Variants in CFAP54 observed in about 807,000 individuals in gnomAD.
CFAP54 encodes cilia- and flagella-associated protein 54.
A neutral mutation model predicts 370.4 loss-of-function variants in CFAP54; 290 were observed. The observed-to-expected ratio is 0.78, with a 90% confidence interval of 0.71 to 0.86. The LOEUF (loss-of-function observed/expected upper bound fraction) is 0.86, where lower values mean the gene tolerates loss of function less well. CFAP54 is among the 40% of genes least tolerant of loss of function. The pLI is 0.00. For missense variants in CFAP54, 3,399 were observed against 3,528.7 expected (o/e 0.96, Z 0.93); for synonymous variants, 1,206 against 1,236.5 (o/e 0.98, Z 0.52).
intron 58 of CFAP54, among the ~76,000 whole-genome samples, chr12:96,762,517 T>C (rs987596742): frequency 1.2e-4 from 19 of 152,218 alleles, no homozygotes; most frequent in African/African-American, 4.6e-4. Context: ...CCACTCCAAA[T>C]TTTTCTATGG....
intron 19 of CFAP54, among the ~76,000 whole-genome samples, chr12:96,574,292 T>C (rs1955954390): frequency 6.6e-6 from 1 of 152,102 alleles, no homozygotes; most frequent in Admixed American, 6.6e-5. Context: ...ACAGGTTTTT[T>C]TCTGTCAGAA....
At chr12:96,803,513 A>G (rs886538230) in intron 63 of CFAP54, among the ~76,000 whole-genome samples, 2 of 152,068 alleles carry the variant, frequency 1.3e-5, no homozygotes, top group Non-Finnish European at 2.9e-5. Flanking sequence ...CACTGCTGCC[A>G]CCAGTGGGGT....
intron 66 of CFAP54, among the ~76,000 whole-genome samples, chr12:96,857,135 C>CA (rs1959726416): frequency 1.3e-5 from 2 of 152,174 alleles, no homozygotes; most frequent in Non-Finnish European, 2.9e-5. Flanking sequence ...ATGGAGGTAG[C>CA]TGTCCCCATG....
chr12:96,805,432 T>C (rs1401595136), intron 63 of CFAP54, among the ~76,000 whole-genome samples: 1 of 151,878 alleles, frequency 6.6e-6, no homozygotes, highest in Non-Finnish European at 1.5e-5. Context: ...CATGAACATA[T>C]ATTTTTCAAG....
At chr12:96,621,875 G>GTTTGTTTTTTTTTTTTTTTTTTT (rs1956496257) in intron 27 of CFAP54, among the ~76,000 whole-genome samples, 154 bp downstream of exon 27, 10 of 50,032 alleles carry the variant, frequency 2.0e-4, no homozygotes, top group East Asian at 1.7e-3. Context: ...TTTTGGGTTT[G>GTTTGTTTTTTTTTTTTTTTTTTT]TTTTTTTTTT....
At chr12:96,681,122 C>A (rs1032677386) in intron 40 of CFAP54, among the ~76,000 whole-genome samples, 3 of 84,734 alleles carry the variant, frequency 3.5e-5, no homozygotes, top group African/African-American at 4.4e-5. Flanking sequence ...CACCCCCCCA[C>A]ACACACACAC....
chr12:96,762,681 G>A (rs144957202), intron 58 of CFAP54, among the ~76,000 whole-genome samples: 124 of 152,256 alleles, frequency 8.1e-4, no homozygotes, highest in African/African-American at 2.7e-3. Context: ...CTTGTTACCA[G>A]AATTTAAGTA....
At chr12:96,589,380 T>A (rs1369104240) in intron 22 of CFAP54, 47 bp from the exon 23 acceptor site, 23 of 1,393,056 alleles carry the variant, frequency 1.7e-5, no homozygotes, top group Non-Finnish European at 1.9e-5. Context: ...TTTAAAACAT[T>A]CATTCACGAA....
intron 17 of CFAP54, among the ~76,000 whole-genome samples, chr12:96,557,236 CTT>C (rs930416144): frequency 2.0e-5 from 3 of 152,120 alleles, no homozygotes. Flanking sequence ...CATGCCATCT[CTT>C]TGTCTAGTGG....
chr12:96,538,424 T>C lies in CFAP54; in HGVS notation c.1832T>C (p.Met611Thr), dbSNP rs1039907595. 8.5e-6 allele frequency: 13 copies of C among 1,535,788 alleles called. No individual in the cohort carries two copies. The East Asian group carries it at 2.9e-4, about 35-fold the overall frequency. The change falls in exon 13 of 68, where the codon ATG (methionine) becomes ACG (threonine). Residue 611 changes from methionine (M) to threonine (T), a missense_variant. Transcript: ENST00000524981. Reference protein sequence around the residue: ...PDKEIVVDTIMFLWQKCKLGI... With the variant: ...PDKEIVVDTITFLWQKCKLGI... ...AAAGAAATTGTTGTGGACACGATAA[T>C]GTTCCTATGGCAGAAATGCAAATTA... is the stretch of plus-strand genomic sequence containing the variant.
At chr12:96,504,466 G>A (rs1348219496) in intron 3 of CFAP54, among the ~76,000 whole-genome samples, 1 of 152,086 alleles carries the variant, frequency 6.6e-6, no homozygotes, top group East Asian at 1.9e-4. Flanking sequence ...TAGTATACCA[G>A]TATTTTGTTA....
intron 65 of CFAP54, among the ~76,000 whole-genome samples, chr12:96,825,422 GTTATA>G (rs534726931): frequency 0.053 from 5,247 of 98,888 alleles, 210 homozygotes; most frequent in Non-Finnish European, 0.078. Context: ...TATGTAACAT[GTTATA>G]TTATATATAA....
chr12:96,764,005 C>T (rs1958368302), intron 58 of CFAP54, 146 bp from the exon 59 acceptor site: 2 of 511,422 alleles, frequency 3.9e-6, no homozygotes, highest in South Asian at 3.3e-5. Context: ...CTTTTCTTTC[C>T]TCAATGTATT....
intron 20 of CFAP54, among the ~76,000 whole-genome samples, chr12:96,580,240 A>G (rs17376814): frequency 0.088 from 13,388 of 152,118 alleles, 777 homozygotes; most frequent in Middle Eastern, 0.14. Context: ...AGGCAAAGTT[A>G]TTTAACATCT....
At chr12:96,692,924 A>T (rs1309035597) in intron 44 of CFAP54, among the ~76,000 whole-genome samples, 1 of 152,150 alleles carries the variant, frequency 6.6e-6, no homozygotes, top group African/African-American at 2.4e-5. Flanking sequence ...GCAGGAGCTG[A>T]GCTTCAGGTT....
intron 67 of CFAP54, among the ~76,000 whole-genome samples, chr12:96,861,601 A>T (rs1415709623): frequency 6.6e-6 from 1 of 152,230 alleles, no homozygotes; most frequent in African/African-American, 2.4e-5. Context: ...AGAATTGTAT[A>T]GACCTGGGTT....
intron 62 of CFAP54, among the ~76,000 whole-genome samples, chr12:96,790,485 TATC>T (rs1256266405): frequency 7.2e-5 from 11 of 152,218 alleles, no homozygotes; most frequent in African/African-American, 2.7e-4. Flanking sequence ...GTTTATAATT[TATC>T]ATTATTAGAC....
chr12:96,490,575 C>T (rs1954869810), intron 1 of CFAP54, among the ~76,000 whole-genome samples: 1 of 152,082 alleles, frequency 6.6e-6, no homozygotes, highest in African/African-American at 2.4e-5. Flanking sequence ...GCCTGTACTC[C>T]CAGCTACTCA....
intron 65 of CFAP54, among the ~76,000 whole-genome samples, chr12:96,825,836 AAT>A (rs1484281503): frequency 7.4e-6 from 1 of 134,328 alleles, no homozygotes; most frequent in African/African-American, 2.8e-5. Context: ...ATTAGTATAT[AAT>A]ATAATTTATA....
Sources: gnomAD v4.1 joint callset for allele counts (sites outside exome capture counted in the v4.1 genomes callset) on GRCh38, gnomAD v4.1.1 for gene constraint, MANE v1.5 for transcripts, NCBI Gene and HGNC (gene_info 2026-07-23, HGNC 2026-07-21) for gene names.